REV3L: variants seen among roughly 807,000 people sequenced by gnomAD.
REV3L encodes DNA polymerase zeta catalytic subunit.
Under a neutral mutation model 299.4 loss-of-function variants are expected in REV3L, and 69 were observed. That is an observed-to-expected ratio of 0.23 (90% CI 0.19 to 0.28). The LOEUF is 0.28. Among genes scored for constraint, REV3L ranks in the 10% least tolerant of loss-of-function variants. The pLI, the probability that REV3L is intolerant of heterozygous loss-of-function variation, is 1.00. For missense variants in REV3L, 3,128 were observed against 3,693.8 expected, an observed-to-expected ratio of 0.85 and a Z score of 3.97; for synonymous variants, 1,238 against 1,271.4, an observed-to-expected ratio of 0.97 and a Z score of 0.56.
At chr6:111,411,602 T>A (rs961590662) in intron 2 of REV3L, 48 bp from the exon 3 acceptor site, 1 of 1,218,826 alleles carries the variant, frequency 8.2e-7, no homozygotes, top group Non-Finnish European at 1.2e-6. Flanking sequence ...AATTCAGAGA[T>A]GAAATAATGC....
intron 25 of REV3L, among the ~76,000 whole-genome samples, chr6:111,329,286 G>A (rs952394316): frequency 6.8e-6 from 1 of 147,480 alleles, no homozygotes; most frequent in African/African-American, 2.5e-5. Flanking sequence ...CATGTGATCC[G>A]CCTGCCTTGG....
chr6:111,449,133 C>T (rs977230232), intron 1 of REV3L, among the ~76,000 whole-genome samples: 5 of 152,144 alleles, frequency 3.3e-5, no homozygotes, highest in African/African-American at 1.2e-4. Flanking sequence ...TACATTTACC[C>T]ACTGCCTGAA....
chr6:111,431,620 C>T, intron 1 of REV3L: 3 of 779,776 alleles, frequency 3.8e-6, no homozygotes, highest in South Asian at 1.5e-5. Flanking sequence ...AGAACTTGCA[C>T]AGCAAGTAAC....
At chr6:111,354,402 C>T (rs1221887366) in intron 18 of REV3L, among the ~76,000 whole-genome samples, 2 of 152,152 alleles carry the variant, frequency 1.3e-5, no homozygotes, top group African/African-American at 4.8e-5. Context: ...TTTTTATAAA[C>T]TGCTACAGCT....
intron 22 of REV3L, among the ~76,000 whole-genome samples, chr6:111,333,605 G>A (rs1582558711): frequency 6.6e-6 from 1 of 151,952 alleles, no homozygotes; most frequent in African/African-American, 2.4e-5. Flanking sequence ...CTCCCGAGTA[G>A]CTGGGATTAC....
At chr6:111,473,345 G>A (rs574714710) in intron 1 of REV3L, among the ~76,000 whole-genome samples, 82 of 151,580 alleles carry the variant, frequency 5.4e-4, no homozygotes, top group African/African-American at 1.5e-3. Flanking sequence ...ATAGGTGCCT[G>A]GCCCTAGATT....
chr6:111,387,678 A>T, intron 9 of REV3L, 87 bp downstream of exon 9: 1 of 1,310,546 alleles, frequency 7.6e-7, no homozygotes, highest in Non-Finnish European at 1.1e-6. Context: ...AGGGAAAAAA[A>T]TCCCTAGCAA....
intron 26 of REV3L, among the ~76,000 whole-genome samples, chr6:111,317,840 A>G (rs1304187377): frequency 1.3e-5 from 2 of 152,158 alleles, no homozygotes; most frequent in Non-Finnish European, 1.5e-5. Flanking sequence ...ACTATATAGT[A>G]TGTACTCTTT....
chr6:111,469,125 G>A (rs927471953), intron 1 of REV3L, among the ~76,000 whole-genome samples: 4 of 152,144 alleles, frequency 2.6e-5, no homozygotes, highest in African/African-American at 9.7e-5. Flanking sequence ...TCACACCATT[G>A]CACTCCAGCC....
intron 18 of REV3L, among the ~76,000 whole-genome samples, chr6:111,352,836 C>G (rs572584703): frequency 7.2e-5 from 11 of 152,300 alleles, no homozygotes; most frequent in African/African-American, 2.6e-4. Context: ...GAAGGAGCCT[C>G]TTTGTGGCTC....
intron 24 of REV3L, chr6:111,330,425 C>A: frequency 2.6e-6 from 1 of 378,700 alleles, no homozygotes; most frequent in Non-Finnish European, 5.5e-6. Flanking sequence ...GGAATGAAAA[C>A]CACAAAACAG....
chr6:111,424,504 T>C (rs911427836), intron 1 of REV3L, among the ~76,000 whole-genome samples: 14 of 152,248 alleles, frequency 9.2e-5, no homozygotes, highest in Admixed American at 3.9e-4. Flanking sequence ...ACCAGATGAA[T>C]GCTAAAACAG....
intron 4 of REV3L, among the ~76,000 whole-genome samples, chr6:111,396,628 T>A (rs1380973511): frequency 6.6e-6 from 1 of 152,166 alleles, no homozygotes; most frequent in East Asian, 1.9e-4. Flanking sequence ...CCTGGGCTTT[T>A]CTTTATTGGG....
intron 1 of REV3L, among the ~76,000 whole-genome samples, chr6:111,446,658 G>C (rs185911454): frequency 6.6e-6 from 1 of 151,916 alleles, no homozygotes; most frequent in Admixed American, 6.6e-5. Context: ...CCAAGACCAC[G>C]CCACTGCACT....
chr6:111,357,195 A>T, intron 17 of REV3L, 70 bp from the exon 18 acceptor site: 1 of 497,464 alleles, frequency 2.0e-6, no homozygotes, highest in Non-Finnish European at 3.2e-6. Context: ...TATAAAAGTA[A>T]TATTATCCTC....
intron 1 of REV3L, among the ~76,000 whole-genome samples, chr6:111,439,306 A>G (rs924523175): frequency 5.3e-5 from 8 of 152,340 alleles, no homozygotes; most frequent in African/African-American, 1.9e-4. Context: ...AACATCAACA[A>G]TGCATTTGGC....
chr6:111,325,368 C>A (rs1484291550), intron 25 of REV3L, among the ~76,000 whole-genome samples: 1 of 152,178 alleles, frequency 6.6e-6, no homozygotes. Context: ...GAGACATTAA[C>A]CTCCACTATT....
chr6:111,373,270 C>A lies in REV3L; in HGVS notation c.5085G>T (p.Glu1695Asp). 6.2e-7 allele frequency: 1 copy of A among 1,614,046 alleles called. No individual in the cohort carries two copies. Among genetic ancestry groups the A allele is most frequent in the South Asian group, 1.1e-5 (1 of 91,072 alleles). ...ATTTCTGGTTGTCATGACTTAAAAA[C>A]TCATTTTTTTCTATAGCTTGTCCTG... is the stretch of plus-strand genomic sequence containing the variant. ...LFPGQAIEKN[E>D]FLSHDNQKCD... Residue 1695 changes from glutamate to aspartate, a missense_variant, in exon 13 of 32, where the codon GAG (glutamate) becomes GAT (aspartate). Glu to Asp is a conservative substitution (Grantham distance 45). Transcript: ENST00000368802.
chr6:111,307,246 T>G (rs1277738737), intron 31 of REV3L, 115 bp downstream of exon 31: 9 of 814,928 alleles, frequency 1.1e-5, no homozygotes, highest in African/African-American at 1.7e-5. Context: ...TCATTTAGAC[T>G]CTTCATTTCA....
Sources: allele counts gnomAD v4.1 joint callset (sites outside exome capture counted in the v4.1 genomes callset), GRCh38; gene constraint gnomAD v4.1.1; transcripts MANE v1.5; gene names NCBI Gene and HGNC (gene_info 2026-07-23, HGNC 2026-07-21).